The following NFASC variants were observed in gnomAD, a reference collection of about 807,000 sequenced individuals.
NFASC encodes neurofascin.
In NFASC, 43 loss-of-function variants were observed where a neutral mutation model predicts 147.5. That is an observed-to-expected ratio of 0.29 (90% CI 0.23 to 0.38). The LOEUF is 0.38. Among genes scored for constraint, NFASC ranks in the 10% least tolerant of loss-of-function variants. NFASC has a pLI of 1.00. For synonymous variants in NFASC, 622 were observed against 665.5 expected (o/e 0.93, Z 1.01); for missense variants, 1,320 against 1,689.0 (o/e 0.78, Z 3.83).
intron 1 of NFASC, among the ~76,000 whole-genome samples, chr1:204,867,386 CAT>C (rs1301693933): frequency 1.3e-5 from 2 of 149,408 alleles, no homozygotes; most frequent in East Asian, 2.0e-4. Context: ...TATCAAAACA[CAT>C]AGTCATACTA....
rs1226032731 is a variant in NFASC at position 204,986,284 on chromosome 1, C to A, written c.2471-1134C>A. 3.3e-5 allele frequency among the ~76,000 whole-genome samples: 5 copies of A among 152,222 alleles called. No individual in the cohort carries two copies. The highest frequency in any genetic ancestry group is 1.2e-4 in the African/African-American group (5 of 41,462). On this transcript the variant is annotated intron_variant, in intron 21 of 29. Transcript: ENST00000339876. The surrounding 1 kb of genome is among the most constrained non-coding windows in gnomAD (Gnocchi z 4.2). ...GCCACTACAGCCATTCCCAGACCAC[C>A]ATCGCCAAGGTGACCTGCCCTGCGA... is the stretch of plus-strand genomic sequence containing the variant.
intron 8 of NFASC, chr1:204,967,947 A>T: frequency 8.6e-6 from 2 of 231,776 alleles, no homozygotes; most frequent in South Asian, 6.9e-5. Flanking sequence ...TAGATCTCGC[A>T]CTGCTCAGAC....
chr1:204,997,468 C>T (rs1319819246), intron 25 of NFASC, 62 bp downstream of exon 25: 45 of 1,537,238 alleles, frequency 2.9e-5, no homozygotes, highest in Admixed American at 5.9e-5. Flanking sequence ...GGCCTCCAGA[C>T]GAACCCACAG....
intron 8 of NFASC, chr1:204,967,946 CACT>C: frequency 6.1e-5 from 13 of 213,422 alleles, no homozygotes; most frequent in Admixed American, 1.2e-4. Context: ...GTAGATCTCG[CACT>C]GCTCAGACAG....
At chr1:204,907,308 G>T (rs1236171630) in intron 1 of NFASC, among the ~76,000 whole-genome samples, 1 of 151,864 alleles carries the variant, frequency 6.6e-6, no homozygotes, top group Non-Finnish European at 1.5e-5. Context: ...TTTTTATTAG[G>T]TTGTTTGTTT....
chr1:204,930,561 T>C (rs1390083232), intron 2 of NFASC, among the ~76,000 whole-genome samples: 1 of 152,182 alleles, frequency 6.6e-6, no homozygotes. Context: ...GACTCTGAGC[T>C]TAACATCAGA....
At chr1:204,920,787 A>C in intron 2 of NFASC, 47 bp downstream of exon 2, 2 of 907,652 alleles carry the variant, frequency 2.2e-6, no homozygotes, top group Non-Finnish European at 3.1e-6. Context: ...AGGGGTGAGA[A>C]TGAGGGGACA....
At chr1:204,938,260 T>A (rs1239493200) in intron 2 of NFASC, among the ~76,000 whole-genome samples, 1 of 152,230 alleles carries the variant, frequency 6.6e-6, no homozygotes, top group African/African-American at 2.4e-5. Context: ...TGACCATGGA[T>A]GCGTCATTAT....
At chr1:204,955,301 C>G (rs1411919736) in intron 7 of NFASC, among the ~76,000 whole-genome samples, 1 of 152,104 alleles carries the variant, frequency 6.6e-6, no homozygotes, top group Non-Finnish European at 1.5e-5. Flanking sequence ...AGAACAGGGC[C>G]AGACACACAG....
In NFASC at chr1:204,974,716, G is replaced by A. The variant is rs188695414; in HGVS notation, c.1451G>A (p.Gly484Asp). 10 of 1,614,218 alleles carry A rather than the reference G, an allele frequency of 6.2e-6. No homozygotes were observed. The East Asian group carries it at 2.2e-4, about 36-fold the overall frequency. ...DGGNYHVYEN[G>D]SLEIKMIRKE... ...GGCAACTACCATGTTTATGAGAACG[G>A]CAGTCTGGAAATTAAGATGATCCGC... The change falls in exon 14 of 30, where the codon GGC becomes GAC. Residue 484 changes from glycine to aspartate, a missense_variant. Physicochemically the swap from Gly to Asp is moderately conservative, Grantham distance 94. Around this residue, in one of 3 missense-constraint regions of NFASC, gnomAD observed 981 missense variants for 1,289.5 expected, o/e 0.76. Transcript: ENST00000339876.
At chr1:204,863,815 T>C (rs1572166176) in intron 1 of NFASC, among the ~76,000 whole-genome samples, 1 of 129,994 alleles carries the variant, frequency 7.7e-6, no homozygotes. Context: ...GCCACTTTAC[T>C]CCAGCCTAGG....
intron 3 of NFASC, 96 bp from the exon 4 acceptor site, chr1:204,950,461 C>T (rs2094025402): frequency 8.6e-7 from 1 of 1,159,130 alleles, no homozygotes; most frequent in African/African-American, 1.5e-5. Flanking sequence ...CCCGCCCACT[C>T]CCTGTGTGCT....
At chr1:204,905,099 T>A (rs1479284503) in intron 1 of NFASC, among the ~76,000 whole-genome samples, 1 of 152,124 alleles carries the variant, frequency 6.6e-6, no homozygotes, top group African/African-American at 2.4e-5. Context: ...ATTATTATTT[T>A]TTTGAGATGA....
At position 204,957,727 on chromosome 1, in the gene NFASC, A is replaced by G. The variant is rs1210609170; in HGVS notation, c.607A>G (p.Met203Val). ...CGGAGACCTATACTTCTCCAACGTGATGCTGCAGGACATGCAGACCGACTA... is the reference window on the plus strand; with the variant it reads ...CGGAGACCTATACTTCTCCAACGTGGTGCTGCAGGACATGCAGACCGACTA... ...HNGDLYFSNV[M>V]LQDMQTDYSC... is the part of the protein sequence containing the mutation. Residue 203 changes from methionine to valine, a missense_variant, in exon 8 of 30, where the codon ATG (methionine) becomes GTG (valine). By Grantham distance (21) the Met-to-Val change is conservative. Around this residue, in one of 3 missense-constraint regions of NFASC, gnomAD observed 981 missense variants for 1,289.5 expected, o/e 0.76. Coordinates refer to ENST00000339876, the MANE Select transcript of NFASC (RefSeq NM_001005388.3). 1 of 1,614,170 alleles carries G rather than the reference A, an allele frequency of 6.2e-7. No homozygotes were observed. The highest frequency in any genetic ancestry group is 1.1e-5 in the South Asian group (1 of 91,088).
At chr1:204,970,595 T>G (rs1265592562) in intron 10 of NFASC, 21 bp from the exon 11 acceptor site, 1 of 1,613,248 alleles carries the variant, frequency 6.2e-7, no homozygotes, top group East Asian at 2.2e-5. Flanking sequence ...CTCCCCTGCC[T>G]GTGTCTGTCT....
intron 7 of NFASC, 66 bp downstream of exon 7, chr1:204,955,017 G>A (rs2150021277): frequency 6.4e-7 from 1 of 1,571,130 alleles, no homozygotes; most frequent in Non-Finnish European, 8.7e-7. Context: ...GGTGTGTTAA[G>A]TGGGGAGGGG....
At chr1:204,944,452 C>CCTGGG in intron 3 of NFASC, 46 bp downstream of exon 3, 1 of 684,560 alleles carries the variant, frequency 1.5e-6, no homozygotes, top group East Asian at 4.8e-5. Flanking sequence ...TGATTTTGGG[C>CCTGGG]AGAGGGGTGG....
rs1360122898 is a variant in NFASC at position 204,968,412 on chromosome 1, T to C, written c.818+52T>C. ...TAGCCACCCTCCAGGAGGATGGGGA[T>C]GGGAGCTTGTTCATGCTCTTGTTAA... On this transcript the variant is annotated intron_variant, in intron 9 of 29. Coordinates refer to ENST00000339876, the MANE Select transcript of NFASC (RefSeq NM_001005388.3). The surrounding 1 kb of genome is among the most constrained non-coding windows in gnomAD (Gnocchi z 5.4). 7.3e-7 allele frequency: 1 copy of C among 1,362,488 alleles called. No individual in the cohort carries two copies. Among genetic ancestry groups the C allele is most frequent in the East Asian group, 2.3e-5 (1 of 43,586 alleles). 84.4% of individuals were successfully genotyped at this position (1,362,488 alleles called of 1,614,324 possible). A position where few individuals can be genotyped will look rare whatever the true frequency, so the allele number is the denominator to read the frequency against.
intron 1 of NFASC, among the ~76,000 whole-genome samples, chr1:204,900,999 G>A (rs1164044931): frequency 2.6e-5 from 4 of 152,100 alleles, no homozygotes; most frequent in African/African-American, 9.7e-5. Context: ...AAAGATGAAG[G>A]CACTAGGATT....
Sources: gnomAD v4.1 joint callset for allele counts (sites outside exome capture counted in the v4.1 genomes callset) on GRCh38, gnomAD v4.1.1 for gene constraint, gnomAD v4.1.1 regional missense constraint, Gnocchi (gnomAD v3.1) non-coding constraint, MANE v1.5 for transcripts, NCBI Gene and HGNC (gene_info 2026-07-23, HGNC 2026-07-21) for gene names.